DYNC2H1: variants seen among roughly 807,000 people sequenced by gnomAD.
DYNC2H1 encodes dynein cytoplasmic 2 heavy chain 1.
A neutral mutation model predicts 570.0 loss-of-function variants in DYNC2H1; 410 were observed. That is an observed-to-expected ratio of 0.72 (90% CI 0.66 to 0.78). The LOEUF is 0.78. Ranked by LOEUF, DYNC2H1 falls within the 30% of genes least tolerant of loss-of-function variation. The pLI is 0.00. For missense variants in DYNC2H1, 4,865 were observed against 5,046.4 expected (o/e 0.96, Z 1.09); for synonymous variants, 1,688 against 1,677.6 (o/e 1.01, Z -0.15).
In DYNC2H1 at chr11:103,187,531, A is replaced by C; in HGVS notation, c.7085A>C (p.Asn2362Thr). 3 of 1,613,290 alleles carry C rather than the reference A, an allele frequency of 1.9e-6. No individual in the cohort carries two copies. Among genetic ancestry groups the C allele is most frequent in the Non-Finnish European group, 2.5e-6 (3 of 1,179,462 alleles). The change falls in exon 43 of 89, where the codon AAC becomes ACC. Residue 2362 changes from asparagine to threonine, a missense_variant. Transcript: ENST00000375735. ...CTTGTTCTGTACTTAAAAGATATCA[A>C]CCTACCTAAACTTGATAAATGGGGG... ...ERLVLYLKDI[N>T]LPKLDKWGTS...
intron 80 of DYNC2H1, 103 bp downstream of exon 80, chr11:103,316,723 A>T: frequency 1.2e-6 from 1 of 829,098 alleles, no homozygotes; most frequent in Non-Finnish European, 1.8e-6. Context: ...CTATCACAAA[A>T]TTTGCTTGTG....
chr11:103,193,844 C>T (rs1019923252), intron 47 of DYNC2H1, among the ~76,000 whole-genome samples: 40 of 151,988 alleles, frequency 2.6e-4, no homozygotes, highest in African/African-American at 9.2e-4. Context: ...CCACACCCAG[C>T]CAGATTTTCT....
Position 103,303,125 on chromosome 11 carries a change from C to T in DYNC2H1, c.11128C>T (p.Leu3710Phe). 6.2e-7 allele frequency: 1 copy of T among 1,600,644 alleles called. No homozygotes were observed. The highest frequency in any genetic ancestry group is 8.5e-7 in the Non-Finnish European group (1 of 1,172,578). ...LKEVSPLPLN[L>F]KRLYKETLEI... is the part of the protein sequence containing the mutation. ...AGAGGTGTCCCCACTGCCTCTAAATCTCAAACGTTTATACAAAGAGACACT... is the reference window on the plus strand; with the variant it reads ...AGAGGTGTCCCCACTGCCTCTAAATTTCAAACGTTTATACAAAGAGACACT... Residue 3710 changes from leucine (L) to phenylalanine (F), a missense_variant, in exon 76 of 89, where the codon CTC becomes TTC. This residue lies in a region of DYNC2H1 where 2,401 missense variants were observed against 2,454.6 expected (regional missense o/e 0.98). Transcript: ENST00000375735.
intron 82 of DYNC2H1, among the ~76,000 whole-genome samples, chr11:103,340,990 A>G (rs1251791071): frequency 1.3e-5 from 2 of 152,158 alleles, no homozygotes; most frequent in Non-Finnish European, 2.9e-5. Flanking sequence ...CATTAAGTAT[A>G]TAAAATCAAT....
chr11:103,173,651 C>T (rs1160167181), intron 35 of DYNC2H1, among the ~76,000 whole-genome samples: 1 of 152,060 alleles, frequency 6.6e-6, no homozygotes, highest in Non-Finnish European at 1.5e-5. Flanking sequence ...TTTCTTATGT[C>T]TTATTTCTAG....
intron 84 of DYNC2H1, among the ~76,000 whole-genome samples, chr11:103,417,945 T>A (rs1943347903): frequency 6.7e-6 from 1 of 149,882 alleles, no homozygotes; most frequent in East Asian, 2.0e-4. Flanking sequence ...TAACATTATC[T>A]CAATACAGAA....
rs367625125 is a variant in DYNC2H1, at chr11:103,372,309, G to A, written c.12156+13950G>A. Among the ~76,000 whole-genome samples the A allele has an allele frequency of 2.2e-4, 33 of 152,178 alleles. 4 individuals carry two copies. Among genetic ancestry groups the A allele is most frequent in the Admixed American group, 2.1e-3 (32 of 15,280 alleles). On this transcript the variant is annotated intron_variant, in intron 83 of 88. Coordinates refer to ENST00000375735, the MANE Select transcript of DYNC2H1 (RefSeq NM_001377.3). ...GGTGGGATTACAGGCGTGAGCCTCCGCGCCCAGCCTTTATCTCGTTCTTGA... is the reference window on the plus strand; with the variant it reads ...GGTGGGATTACAGGCGTGAGCCTCCACGCCCAGCCTTTATCTCGTTCTTGA...
chr11:103,425,918 A>G (rs1591736109), intron 84 of DYNC2H1, among the ~76,000 whole-genome samples: 1 of 150,056 alleles, frequency 6.7e-6, no homozygotes, highest in East Asian at 2.0e-4. Context: ...TGTTGGGAAC[A>G]GGCCCCCAAA....
chr11:103,454,421 C>T (rs2135803560), intron 85 of DYNC2H1, among the ~76,000 whole-genome samples: 1 of 146,828 alleles, frequency 6.8e-6, no homozygotes, highest in African/African-American at 2.5e-5. Flanking sequence ...AAACAAGTCA[C>T]TTAAAACTAC....
chr11:103,443,021 G>A (rs982200816), intron 85 of DYNC2H1, among the ~76,000 whole-genome samples: 5 of 149,142 alleles, frequency 3.4e-5, no homozygotes, highest in African/African-American at 9.9e-5. Context: ...TTGAACATAC[G>A]TTATTAATAT....
In DYNC2H1 at chr11:103,411,006, T is replaced by C. The variant is rs180771660; in HGVS notation, c.12366+11134T>C. On this transcript the variant is annotated intron_variant, in intron 84 of 88. Transcript: ENST00000375735. ...GGGTGATGTAGAGGGCATTTTTCAC[T>C]GGGGTGGGGATGCTTGCATGTGTAA... 2.6e-3 allele frequency among the ~76,000 whole-genome samples: 397 copies of C among 152,244 alleles called. 4 individuals carry two copies. Among genetic ancestry groups the C allele is most frequent in the African/African-American group, 8.8e-3 (365 of 41,554 alleles).
At position 103,156,740 on chromosome 11, in the gene DYNC2H1, C is replaced by T. The variant is rs867391142; in HGVS notation, c.4097C>T (p.Thr1366Ile). Residue 1366 changes from threonine to isoleucine, a missense_variant, in exon 26 of 89, where the codon ACA (threonine) becomes ATA (isoleucine). Thr to Ile is a moderately conservative substitution (Grantham distance 89). Around this residue, in one of 5 missense-constraint regions of DYNC2H1, gnomAD observed 1,936 missense variants for 1,962.1 expected, o/e 0.99. Coordinates refer to ENST00000375735, the MANE Select transcript of DYNC2H1 (RefSeq NM_001377.3). ...CGTGGAGCATTGCCAAAAGAACAGACACGCTTCAACAGAGTTGATGAAGAT... is the reference window on the plus strand; with the variant it reads ...CGTGGAGCATTGCCAAAAGAACAGATACGCTTCAACAGAGTTGATGAAGAT... The part of the protein sequence containing the change: ...FGRGALPKEQ[T>I]RFNRVDEDFR... 12 of 1,612,316 alleles carry T rather than the reference C, an allele frequency of 7.4e-6. No homozygotes were observed. The Middle Eastern group carries it at 1.3e-3, about 177-fold the overall frequency.
chr11:103,469,298 C>T (rs1945294757), intron 88 of DYNC2H1, among the ~76,000 whole-genome samples: 1 of 152,148 alleles, frequency 6.6e-6, no homozygotes. Context: ...AAAAAACTTT[C>T]AACAGTAGAA....
intron 85 of DYNC2H1, among the ~76,000 whole-genome samples, chr11:103,452,542 A>G (rs1337276060): frequency 6.6e-6 from 1 of 151,996 alleles, no homozygotes; most frequent in Non-Finnish European, 1.5e-5. Context: ...AGATATGGAA[A>G]ACTTTTTTTT....
At chr11:103,404,414 T>G (rs769269208) in intron 84 of DYNC2H1, 1 of 151,136 alleles carries the variant, frequency 6.6e-6, no homozygotes, top group Non-Finnish European at 1.5e-5. Flanking sequence ...GAACTTTTCA[T>G]TTTGAAGCAA....
chr11:103,344,067 A>G (rs181391318), intron 82 of DYNC2H1, among the ~76,000 whole-genome samples: 3 of 152,352 alleles, frequency 2.0e-5, no homozygotes, highest in Admixed American at 2.0e-4. Context: ...TGAGATAAAC[A>G]CTGTGAAACT....
At chr11:103,112,000 G>T (rs1858138497) in intron 1 of DYNC2H1, among the ~76,000 whole-genome samples, 1 of 152,186 alleles carries the variant, frequency 6.6e-6, no homozygotes, top group South Asian at 2.1e-4. Context: ...TTTGGGTATT[G>T]ATAAGTGCCG....
chr11:103,187,358 A>T lies in DYNC2H1; in HGVS notation c.6912A>T (p.Ala2304=). ...TTCGTAGGATGCTGCTCAGGTACGC[A>T]TTTTCACAACTCCGGTCCACTCAAA... ...GCGKGMLLRY[A]FSQLRSTQIA... is the part of the protein sequence containing the mutation. The change falls in exon 43 of 89, where the codon GCA becomes GCT. Residue 2304 remains alanine, a synonymous_variant. Coordinates refer to ENST00000375735, the MANE Select transcript of DYNC2H1 (RefSeq NM_001377.3). 1 of 1,612,966 alleles carries T rather than the reference A, an allele frequency of 6.2e-7. No homozygotes were observed. The highest frequency in any genetic ancestry group is 8.5e-7 in the Non-Finnish European group (1 of 1,179,258).
intron 82 of DYNC2H1, among the ~76,000 whole-genome samples, chr11:103,329,830 G>C (rs919350236): frequency 1.3e-5 from 2 of 152,040 alleles, no homozygotes; most frequent in Admixed American, 6.6e-5. Context: ...TATAAATATT[G>C]TTTGAGTTGA....
Sources: allele counts gnomAD v4.1 joint callset (sites outside exome capture counted in the v4.1 genomes callset), GRCh38; gene constraint gnomAD v4.1.1; regional missense constraint gnomAD v4.1.1; transcripts MANE v1.5; gene names NCBI Gene and HGNC (gene_info 2026-07-23, HGNC 2026-07-21).